The following CAGE1 variants were observed in gnomAD, a reference collection of about 807,000 sequenced individuals.
CAGE1 encodes the protein cancer antigen 1, also known as cancer-associated gene 1 protein.
A neutral mutation model predicts 94.9 loss-of-function variants in CAGE1; 66 were observed. That is an observed-to-expected ratio of 0.70 (90% CI 0.57 to 0.85). The LOEUF (loss-of-function observed/expected upper bound fraction) is 0.85, where lower values mean the gene tolerates loss of function less well. CAGE1 is among the 40% of genes least tolerant of loss of function. The pLI, the probability that CAGE1 is intolerant of heterozygous loss-of-function variation, is 0.00. For synonymous variants in CAGE1, 319 were observed against 321.0 expected (o/e 0.99, Z 0.07); for missense variants, 865 against 950.4 (o/e 0.91, Z 1.18).
In CAGE1 at chr6:7,333,896, G is replaced by C. The variant is rs895343256; in HGVS notation, c.2438+126C>G. ...TTGGCCAGGCTGGTCTCGAACTCCT[G>C]ACCTCAGGTGATCCACCCACCTTGG... On this transcript the variant is annotated intron_variant, in intron 12 of 13. Coordinates refer to ENST00000502583, the MANE Select transcript of CAGE1 (RefSeq NM_001170692.2). 15 of 564,072 alleles carry C rather than the reference G, an allele frequency of 2.7e-5. No homozygotes were observed. The African/African-American group carries it at 2.9e-4, about 11-fold the overall frequency. The allele number at this position is 564,072 out of a possible 1,614,324, so 34.9% of individuals were successfully genotyped here. A position where few individuals can be genotyped will look rare whatever the true frequency, so the allele number is the denominator to read the frequency against.
chr6:7,333,393 AGTAGTTTTGTT>A (rs1758821168), intron 12 of CAGE1, among the ~76,000 whole-genome samples: 1 of 152,164 alleles, frequency 6.6e-6, no homozygotes, highest in Non-Finnish European at 1.5e-5. Context: ...GAGCAGGGCA[AGTAGTTTTGTT>A]GTAGACAAAA....
intron 9 of CAGE1, among the ~76,000 whole-genome samples, chr6:7,360,148 G>A (rs529656477): frequency 3.3e-5 from 5 of 152,294 alleles, no homozygotes; most frequent in East Asian, 3.9e-4. Context: ...CTACTTTTAA[G>A]AACTCATGAT....
chr6:7,378,335 T>A (rs539553175), intron 4 of CAGE1, among the ~76,000 whole-genome samples: 4 of 152,280 alleles, frequency 2.6e-5, no homozygotes, highest in Admixed American at 2.0e-4. Context: ...ATGGACTTGA[T>A]TTTACTAGAA....
intron 3 of CAGE1, among the ~76,000 whole-genome samples, chr6:7,384,238 C>T (rs1296675086): frequency 2.0e-5 from 3 of 152,122 alleles, no homozygotes; most frequent in East Asian, 1.9e-4. Flanking sequence ...CCATCATGCC[C>T]GGCTAATTTT....
chr6:7,360,932 G>C (rs1391548237), intron 9 of CAGE1, among the ~76,000 whole-genome samples: 1 of 152,048 alleles, frequency 6.6e-6, no homozygotes, highest in African/African-American at 2.4e-5. Flanking sequence ...GGGTGACAGA[G>C]CACGACTCTG....
In CAGE1 at chr6:7,353,985, G is replaced by A. The variant is rs138472825; in HGVS notation, c.2369+1056C>T. ...TGAGGGATAAAAGACTATAAATATG[G>A]TGCAGTGTATACTGACTGGGTGATG... On this transcript the variant is annotated intron_variant, in intron 11 of 13. Coordinates refer to ENST00000502583, the MANE Select transcript of CAGE1 (RefSeq NM_001170692.2). 5.7e-3 allele frequency among the ~76,000 whole-genome samples: 860 copies of A among 151,994 alleles called. 5 individuals carry two copies. Among genetic ancestry groups the A allele is most frequent in the African/African-American group, 0.02 (820 of 41,454 alleles).
chr6:7,365,897 A>G lies in CAGE1; in HGVS notation c.2005-13T>C. On this transcript the variant is annotated splice_polypyrimidine_tract_variant and intron_variant, in intron 7 of 13. Transcript: ENST00000502583. ...TATGTTTCAGTAGCTAAGAAAAGGAAAACATTCTGTATTTTAGAGAGAAAA... is the reference window on the plus strand; with the variant it reads ...TATGTTTCAGTAGCTAAGAAAAGGAGAACATTCTGTATTTTAGAGAGAAAA... 7.2e-7 allele frequency: 1 copy of G among 1,387,664 alleles called. No homozygotes were observed. The highest frequency in any genetic ancestry group is 9.9e-7 in the Non-Finnish European group (1 of 1,014,980). 86.0% of individuals were successfully genotyped at this position (1,387,664 alleles called of 1,614,324 possible). A position where few individuals can be genotyped will look rare whatever the true frequency, so the allele number is the denominator to read the frequency against.
chr6:7,333,676 AT>A (rs1174295719), intron 12 of CAGE1, among the ~76,000 whole-genome samples: 27 of 53,654 alleles, frequency 5.0e-4, no homozygotes, highest in South Asian at 1.0e-3. Flanking sequence ...ATATATATAC[AT>A]TTTTTTTTTG....
At chr6:7,376,430 AAAT>A (rs1192380854) in intron 4 of CAGE1, among the ~76,000 whole-genome samples, 35 of 145,824 alleles carry the variant, frequency 2.4e-4, no homozygotes, top group African/African-American at 7.2e-4. Context: ...ATAAATAAAT[AAAT>A]AAAATAAAAG....
chr6:7,352,093 G>A (rs1403876724), intron 11 of CAGE1, among the ~76,000 whole-genome samples: 2 of 152,046 alleles, frequency 1.3e-5, no homozygotes, highest in African/African-American at 2.4e-5. Flanking sequence ...AAGTCAAACT[G>A]TCACTGTTGG....
At chr6:7,384,234 T>C (rs1581701194) in intron 3 of CAGE1, among the ~76,000 whole-genome samples, 2 of 152,198 alleles carry the variant, frequency 1.3e-5, no homozygotes, top group Middle Eastern at 3.4e-3. Flanking sequence ...CCCACCATCA[T>C]GCCCGGCTAA....
At chr6:7,388,839 A>T (rs764699765) in intron 1 of CAGE1, among the ~76,000 whole-genome samples, 1 of 152,190 alleles carries the variant, frequency 6.6e-6, no homozygotes, top group Non-Finnish European at 1.5e-5. Context: ...TTGTGGTGAG[A>T]TCTGAAAAAT....
chr6:7,343,367 G>T (rs1054839774), intron 11 of CAGE1, among the ~76,000 whole-genome samples: 3 of 152,108 alleles, frequency 2.0e-5, no homozygotes, highest in African/African-American at 7.2e-5. Flanking sequence ...TATGATCAAG[G>T]TATAAAATCA....
intron 11 of CAGE1, chr6:7,341,192 G>A (rs1377144558): frequency 4.7e-6 from 3 of 634,824 alleles, no homozygotes; most frequent in Non-Finnish European, 8.7e-6. Context: ...GTGTTCTGGA[G>A]CAGTTGACAC....
intron 11 of CAGE1, among the ~76,000 whole-genome samples, chr6:7,337,728 C>A (rs1484085557): frequency 6.6e-6 from 1 of 152,198 alleles, no homozygotes; most frequent in Non-Finnish European, 1.5e-5. Flanking sequence ...TATATTTTTA[C>A]ACCAATGCTA....
At chr6:7,349,944 AAAAGAAAG>A (rs56998030) in intron 11 of CAGE1, among the ~76,000 whole-genome samples, 43,892 of 141,328 alleles carry the variant, frequency 0.31, 6,192 homozygotes, top group East Asian at 0.39. Flanking sequence ...AAAAAAAAAA[AAAAGAAAG>A]AAAGAAAGAA....
intron 11 of CAGE1, among the ~76,000 whole-genome samples, chr6:7,342,492 G>A (rs542381710): frequency 3.7e-4 from 57 of 152,182 alleles, no homozygotes; most frequent in Non-Finnish European, 5.7e-4. Context: ...CAGGAAGGGT[G>A]TCTGACTGAT....
At chr6:7,331,931 T>C (rs1445628092) in intron 12 of CAGE1, among the ~76,000 whole-genome samples, 1 of 152,232 alleles carries the variant, frequency 6.6e-6, no homozygotes. Context: ...CAGAGAAGCT[T>C]TTCCTTTGCC....
rs1292172228 is a variant in CAGE1, at chr6:7,373,068, A to G, written c.1746+5T>C. ...GCATTAGAGATTTAGAATGTGTATCAATACCTTGGTAATATCTGACTTCAA... is the reference window on the plus strand; with the variant it reads ...GCATTAGAGATTTAGAATGTGTATCGATACCTTGGTAATATCTGACTTCAA... On this transcript the variant is annotated splice_donor_5th_base_variant and intron_variant, in intron 5 of 13. Coordinates refer to ENST00000502583, the MANE Select transcript of CAGE1 (RefSeq NM_001170692.2). 6.3e-7 allele frequency: 1 copy of G among 1,582,832 alleles called. No homozygotes were observed. Among genetic ancestry groups the G allele is most frequent in the African/African-American group, 1.4e-5 (1 of 73,512 alleles).
Sources: allele counts gnomAD v4.1 joint callset (sites outside exome capture counted in the v4.1 genomes callset), GRCh38; gene constraint gnomAD v4.1.1; transcripts MANE v1.5; gene names NCBI Gene and HGNC (gene_info 2026-07-23, HGNC 2026-07-21).